Variants in NUP205 observed in about 807,000 individuals in gnomAD.
NUP205 encodes nucleoporin 205.
A neutral mutation model predicts 253.8 loss-of-function variants in NUP205; 76 were observed. The ratio of observed to expected loss-of-function variants is 0.30; its 90% CI spans 0.25 to 0.36. The LOEUF (loss-of-function observed/expected upper bound fraction) is 0.36, where lower values mean the gene tolerates loss of function less well. Ranked by LOEUF, NUP205 falls within the 10% of genes least tolerant of loss-of-function variation. The pLI, the probability that NUP205 is intolerant of heterozygous loss-of-function variation, is 1.00. For synonymous variants in NUP205, 832 were observed against 850.1 expected, an observed-to-expected ratio of 0.98 and a Z score of 0.37; for missense variants, 2,162 against 2,425.5, an observed-to-expected ratio of 0.89 and a Z score of 2.28.
chr7:135,643,802 T>C (rs1794959232), intron 39 of NUP205, among the ~76,000 whole-genome samples: 1 of 152,166 alleles, frequency 6.6e-6, no homozygotes, highest in African/African-American at 2.4e-5. Flanking sequence ...TCCCTCTACT[T>C]ACAGTATTAA....
At chr7:135,577,770 A>C (rs1358685572) in intron 5 of NUP205, 26 bp from the exon 6 acceptor site, 3 of 1,529,916 alleles carry the variant, frequency 2.0e-6, no homozygotes, top group Admixed American at 1.7e-5. Flanking sequence ...ATTTATTTAT[A>C]CTGATAGTCA....
chr7:135,611,562 A>G (rs1356497835), intron 22 of NUP205, among the ~76,000 whole-genome samples: 1 of 152,044 alleles, frequency 6.6e-6, no homozygotes, highest in East Asian at 1.9e-4. Flanking sequence ...TGTATTCAGT[A>G]TACATGAAAT....
chr7:135,587,965 G>A lies in NUP205; in HGVS notation c.1446G>A (p.Val482=), dbSNP rs764282063. Residue 482 remains valine, a synonymous_variant, in exon 10 of 43, where the codon GTG becomes GTA. Coordinates refer to ENST00000285968, the MANE Select transcript of NUP205 (RefSeq NM_015135.3). ...TPTIMGSYLG[V]AHQRPPQRQV... is the part of the protein sequence containing the mutation. ...CTATCATGGGCTCTTATCTAGGGGT[G>A]GCTCATCAGCGGCCCCCTCAACGCC... 2 of 1,613,446 alleles carry A rather than the reference G, an allele frequency of 1.2e-6. No individual in the cohort carries two copies. Among genetic ancestry groups the A allele is most frequent in the Non-Finnish European group, 8.5e-7 (1 of 1,179,776 alleles).
intron 7 of NUP205, 85 bp from the exon 8 acceptor site, chr7:135,584,747 C>A (rs1167964954): frequency 8.5e-7 from 1 of 1,180,444 alleles, no homozygotes; most frequent in East Asian, 2.5e-5. Context: ...GATGTCTGAA[C>A]CATCAGCAGA....
At chr7:135,574,641 G>T (rs1275709834) in intron 3 of NUP205, among the ~76,000 whole-genome samples, 1 of 152,150 alleles carries the variant, frequency 6.6e-6, no homozygotes, top group East Asian at 1.9e-4. Flanking sequence ...AGGAATCAGA[G>T]CATGTTTGAT....
At chr7:135,574,225 C>G (rs1347495538) in intron 3 of NUP205, among the ~76,000 whole-genome samples, 1 of 152,172 alleles carries the variant, frequency 6.6e-6, no homozygotes, top group Non-Finnish European at 1.5e-5. Context: ...TAGCACAAAG[C>G]ACTTACTGTC....
At chr7:135,569,827 G>C (rs1435903895) in intron 1 of NUP205, among the ~76,000 whole-genome samples, 1 of 151,876 alleles carries the variant, frequency 6.6e-6, no homozygotes. Context: ...TCAGCCCAAA[G>C]TACATTTTCA....
intron 7 of NUP205, among the ~76,000 whole-genome samples, chr7:135,583,689 G>A (rs1455341934): frequency 6.6e-6 from 1 of 151,994 alleles, no homozygotes; most frequent in Non-Finnish European, 1.5e-5. Flanking sequence ...GAACTGGGAG[G>A]GAGAGGTTGC....
intron 1 of NUP205, among the ~76,000 whole-genome samples, chr7:135,562,799 A>G (rs11535258): frequency 0.22 from 33,692 of 151,486 alleles, 4,311 homozygotes; most frequent in East Asian, 0.5. Context: ...CCGCCTCGGT[A>G]TCCCAAAGTG....
At chr7:135,570,985 G>A in intron 1 of NUP205, 120 bp from the exon 2 acceptor site, 1 of 322,586 alleles carries the variant, frequency 3.1e-6, no homozygotes, top group Non-Finnish European at 5.4e-6. Flanking sequence ...TATTAATTAA[G>A]ATAACTTCCT....
chr7:135,612,375 A>G (rs902166050), intron 22 of NUP205, among the ~76,000 whole-genome samples: 1 of 152,204 alleles, frequency 6.6e-6, no homozygotes, highest in African/African-American at 2.4e-5. Context: ...TTGATTCATT[A>G]ACATTAAACT....
Position 135,618,603 on chromosome 7 carries a change from G to A in NUP205, c.3963G>A (p.Lys1321=), listed in dbSNP as rs766527006. The A allele has an allele frequency of 3.8e-6, 6 of 1,581,368 alleles. No homozygotes were observed. The East Asian group carries it at 6.7e-5, about 18-fold the overall frequency. ...ATATTTTACAAGATGTGCATGATAA[G>A]GTGACGTACTTCCTAAAATACTTTA... ...IRDILQDVHD[K]ILDDEAAQEL... is the part of the protein sequence containing the mutation. The change falls in exon 28 of 43, where the codon AAG becomes AAA. Residue 1321 remains lysine, a splice_region_variant and synonymous_variant. Transcript: ENST00000285968.
Position 135,629,499 on chromosome 7 carries a change from C to G in NUP205, c.4933-845C>G, listed in dbSNP as rs962262740. Among the ~76,000 whole-genome samples, 69 of 135,190 alleles carry G rather than the reference C, an allele frequency of 5.1e-4. 1 individual carries two copies. The East Asian group carries it at 0.01, about 20-fold the overall frequency. The allele number at this position is 135,190 out of a possible 152,430, so 88.7% of individuals were successfully genotyped here. A position where few individuals can be genotyped will look rare whatever the true frequency, so the allele number is the denominator to read the frequency against. ...TCTCTCTCTCTCTCTCTCTCTCTCT[C>G]TCTCTCTCTCTGTCTCTCTCTCTGT... On this transcript the variant is annotated intron_variant, in intron 34 of 42. Coordinates refer to ENST00000285968, the MANE Select transcript of NUP205 (RefSeq NM_015135.3).
intron 35 of NUP205, 50 bp from the exon 36 acceptor site, chr7:135,635,531 T>G: frequency 1.0e-6 from 1 of 967,834 alleles, no homozygotes; most frequent in Non-Finnish European, 1.6e-6. Context: ...TAGTTTTTAA[T>G]GTTTTTGTTT....
At chr7:135,623,857 A>C (rs867679554) in intron 31 of NUP205, among the ~76,000 whole-genome samples, 6 of 152,114 alleles carry the variant, frequency 3.9e-5, no homozygotes, top group Middle Eastern at 3.2e-3. Flanking sequence ...ATCTCGGCTC[A>C]CTGCAAGCTC....
At chr7:135,564,479 G>A (rs1360031413) in intron 1 of NUP205, among the ~76,000 whole-genome samples, 2 of 151,730 alleles carry the variant, frequency 1.3e-5, no homozygotes, top group African/African-American at 4.9e-5. Context: ...TTGAACTCCT[G>A]ACCTTGTGAT....
Position 135,622,911 on chromosome 7 carries a change from C to T in NUP205, c.4465C>T (p.His1489Tyr), listed in dbSNP as rs767069832. 2 of 1,613,936 alleles carry T rather than the reference C, an allele frequency of 1.2e-6. No individual in the cohort carries two copies. The highest frequency in any genetic ancestry group is 3.3e-5 in the Admixed American group (2 of 59,994). Residue 1489 changes from histidine to tyrosine, a missense_variant, in exon 31 of 43, where the codon CAT becomes TAT. Physicochemically the swap from His to Tyr is moderately conservative, Grantham distance 83. Transcript: ENST00000285968. ...GGTCTGTCGAGATGCTTGTGATGGT[C>T]ATGAGATTGGAAGGGTAAAGCAACT... is the stretch of plus-strand genomic sequence containing the variant. ...EVVCRDACDG[H>Y]EIGRMLALAL...
intron 23 of NUP205, 103 bp downstream of exon 23, chr7:135,614,376 C>A: frequency 1.6e-6 from 1 of 628,140 alleles, no homozygotes; most frequent in Non-Finnish European, 2.8e-6. Context: ...CATTCTGATA[C>A]TTTGGCTTCT....
At chr7:135,614,917 G>A (rs1794323177) in intron 23 of NUP205, among the ~76,000 whole-genome samples, 2 of 152,192 alleles carry the variant, frequency 1.3e-5, no homozygotes, top group South Asian at 4.1e-4. Flanking sequence ...GCTCACACAT[G>A]CCATAAACAA....
Sources: allele counts gnomAD v4.1 joint callset (sites outside exome capture counted in the v4.1 genomes callset), GRCh38; gene constraint gnomAD v4.1.1; transcripts MANE v1.5; gene names NCBI Gene and HGNC (gene_info 2026-07-23, HGNC 2026-07-21).